Variants in CLEC4D observed in about 807,000 individuals in gnomAD.
The protein encoded by CLEC4D is C-type (calcium dependent, carbohydrate-recognition domain) lectin, superfamily member 8.
In CLEC4D, 21 loss-of-function variants were observed where a neutral mutation model predicts 21.1. That is an observed-to-expected ratio of 1.00 (90% CI 0.71 to 1.43). The LOEUF (loss-of-function observed/expected upper bound fraction) is 1.43. Ranked by LOEUF, CLEC4D falls within the 40% of genes most tolerant of loss-of-function variation. The pLI, the probability that CLEC4D is intolerant of heterozygous loss-of-function variation, is 0.00. For missense variants in CLEC4D, 289 were observed against 260.7 expected (o/e 1.11, Z -0.75); for synonymous variants, 85 against 83.1 (o/e 1.02, Z -0.12).
intron 2 of CLEC4D, among the ~76,000 whole-genome samples, chr12:8,516,985 A>T (rs1940389908): frequency 6.6e-6 from 1 of 152,270 alleles, no homozygotes; most frequent in Non-Finnish European, 1.5e-5. Flanking sequence ...AACAAAAGAC[A>T]GAATCAGAAT....
downstream of CLEC4D, among the ~76,000 whole-genome samples, chr12:8,522,984 C>A (rs558673862): frequency 6.6e-6 from 1 of 151,972 alleles, no homozygotes; most frequent in Admixed American, 6.6e-5. Context: ...TTTTGCCAGA[C>A]TTGTTGAATA....
chr12:8,521,024 C>A (rs1940450531), intron 5 of CLEC4D, 100 bp from the exon 6 acceptor site: 1 of 1,422,672 alleles, frequency 7.0e-7, no homozygotes, highest in Non-Finnish European at 9.3e-7. Flanking sequence ...AGGGACATTT[C>A]TCTGAATTGT....
downstream of CLEC4D, among the ~76,000 whole-genome samples, chr12:8,523,582 T>C (rs761574493): frequency 3.9e-5 from 6 of 152,214 alleles, no homozygotes; most frequent in South Asian, 1.0e-3. Context: ...GCTTATCAGT[T>C]CAAGAAGTTT....
chr12:8,515,291 C>T lies in CLEC4D; in HGVS notation c.84C>T (p.Ile28=). The stretch of plus-strand genomic sequence containing the variant: ...CTTCGGTTATTGCTGTAGTTTTCAT[C>T]TTACTTCTCAGTGTCTGTTTTATTG... The part of the protein sequence containing the change: ...LIPSVIAVVF[I]LLLSVCFIAS... The change falls in exon 2 of 6, where the codon ATC becomes ATT. Residue 28 remains isoleucine (I), a synonymous_variant. Transcript: ENST00000299665. The T allele has an allele frequency of 6.6e-7, 1 of 1,523,292 alleles. No individual in the cohort carries two copies. The highest frequency in any genetic ancestry group is 1.1e-5 in the South Asian group (1 of 89,160). The allele number at this position is 1,523,292 out of a possible 1,614,324, so 94.4% of individuals were successfully genotyped here.
the CLEC4D span, among the ~76,000 whole-genome samples, chr12:8,530,459 C>CAAAAAAAAAA: frequency 1.1e-5 from 1 of 87,360 alleles, no homozygotes. Flanking sequence ...ATCAAGAAAG[C>CAAAAAAAAAA]AAAAAAAAAA....
chr12:8,531,182 C>G, the CLEC4D span, among the ~76,000 whole-genome samples: 1 of 152,214 alleles, frequency 6.6e-6, no homozygotes, highest in Non-Finnish European at 1.5e-5. Context: ...GACATCCTTA[C>G]TGTCTCCTGC....
chr12:8,518,321 A>T, intron 3 of CLEC4D, 47 bp downstream of exon 3: 1 of 799,686 alleles, frequency 1.3e-6, no homozygotes, highest in South Asian at 1.5e-5. Context: ...TTTTCGTTCA[A>T]ATTCATAGTC....
At chr12:8,523,527 C>T (rs190350493), downstream of CLEC4D, among the ~76,000 whole-genome samples, 6 of 152,022 alleles carry the variant, frequency 3.9e-5, no homozygotes, top group East Asian at 1.9e-4. Context: ...GGAATGCTTA[C>T]GATTTTTTCA....
In CLEC4D at chr12:8,518,998, T is replaced by C; in HGVS notation, c.233-11T>C. 1 of 1,610,044 alleles carries C rather than the reference T, an allele frequency of 6.2e-7. No homozygotes were observed. Among genetic ancestry groups the C allele is most frequent in the Non-Finnish European group, 8.5e-7 (1 of 1,178,524 alleles). On this transcript the variant is annotated splice_polypyrimidine_tract_variant and intron_variant, in intron 3 of 5. Coordinates refer to ENST00000299665, the MANE Select transcript of CLEC4D (RefSeq NM_080387.5). The stretch of plus-strand genomic sequence containing the variant: ...TTTTGTTACCAATTTCCGTTTTAAT[T>C]TTCACTTGAGGGAGCACCTGGAACT...
In CLEC4D at chr12:8,520,214, A is replaced by AT. The variant is rs752341033; in HGVS notation, c.385-7dup. The AT allele has an allele frequency of 2.0e-4, 328 of 1,612,610 alleles. No individual in the cohort carries two copies. The highest frequency in any genetic ancestry group is 2.6e-4 in the Non-Finnish European group (301 of 1,179,084). On this transcript the variant is annotated splice_polypyrimidine_tract_variant and intron_variant, in intron 4 of 5. Transcript: ENST00000299665. ...TTCATGCAACTATATTAAAATTTAC[A>AT]TTTTTATGCAGAACTTTATTATTCA... is the stretch of plus-strand genomic sequence containing the variant.
At chr12:8,529,841 T>C in the CLEC4D span, among the ~76,000 whole-genome samples, 4 of 152,062 alleles carry the variant, frequency 2.6e-5, no homozygotes, top group Non-Finnish European at 5.9e-5. Flanking sequence ...GTGGAGCTCA[T>C]AGAAATTATC....
At chr12:8,525,157 G>T (rs945729287), downstream of CLEC4D, among the ~76,000 whole-genome samples, 2 of 152,322 alleles carry the variant, frequency 1.3e-5, no homozygotes, top group East Asian at 1.9e-4. Flanking sequence ...ATGTGACACT[G>T]AGAAGAATGT....
intron 4 of CLEC4D, among the ~76,000 whole-genome samples, chr12:8,519,700 GATA>G (rs879294238): frequency 6.6e-6 from 1 of 152,216 alleles, no homozygotes; most frequent in Non-Finnish European, 1.5e-5. Flanking sequence ...TGGATCTAAT[GATA>G]AGTAAAGAAA....
chr12:8,520,180 A>G, intron 4 of CLEC4D, 46 bp from the exon 5 acceptor site: 1 of 1,603,650 alleles, frequency 6.2e-7, no homozygotes, highest in Non-Finnish European at 8.5e-7. Flanking sequence ...CATCATAGCC[A>G]TCACCTGATT....
downstream of CLEC4D, among the ~76,000 whole-genome samples, chr12:8,524,339 T>TG (rs1940490657): frequency 4.0e-5 from 6 of 151,800 alleles, no homozygotes; most frequent in Non-Finnish European, 8.8e-5. Context: ...GGCTTTTTTT[T>TG]TTTGTTTGGT....
chr12:8,530,902 A>T, the CLEC4D span, among the ~76,000 whole-genome samples: 1 of 152,240 alleles, frequency 6.6e-6, no homozygotes, highest in Non-Finnish European at 1.5e-5. Context: ...CCAAGAGTAA[A>T]CCGTGCGAAA....
intron 2 of CLEC4D, 141 bp downstream of exon 2, chr12:8,515,469 T>A: frequency 1.8e-6 from 1 of 541,812 alleles, no homozygotes; most frequent in South Asian, 2.6e-5. Context: ...CACTGAATAT[T>A]CAGAGCTACA....
chr12:8,523,946 A>G (rs11046052), downstream of CLEC4D, among the ~76,000 whole-genome samples: 10,932 of 152,192 alleles, frequency 0.072, 767 homozygotes, highest in African/African-American at 0.18. Context: ...TTCTGCGTCT[A>G]TTGAGATAAC....
the CLEC4D span, among the ~76,000 whole-genome samples, chr12:8,527,867 C>T: frequency 3.3e-5 from 5 of 151,370 alleles, no homozygotes; most frequent in Non-Finnish European, 5.9e-5. Context: ...TTACACAGTT[C>T]CGTGGAAAAA....
Sources: allele counts gnomAD v4.1 joint callset (sites outside exome capture counted in the v4.1 genomes callset), GRCh38; gene constraint gnomAD v4.1.1; transcripts MANE v1.5; gene names NCBI Gene and HGNC (gene_info 2026-07-23, HGNC 2026-07-21).